SYNE2: variants seen among roughly 807,000 people sequenced by gnomAD.
SYNE2 encodes the protein nesprin-2.
In SYNE2, 431 loss-of-function variants were observed where a neutral mutation model predicts 856.3. The observed-to-expected ratio is 0.50, with a 90% CI of 0.47 to 0.55. SYNE2 has a LOEUF of 0.55. Among genes scored for constraint, SYNE2 ranks in the 20% least tolerant of loss-of-function variants. The pLI is 0.00. For missense variants in SYNE2, 8,129 were observed against 8,023.2 expected (o/e 1.01, Z -0.50); for synonymous variants, 2,923 against 2,872.3 (o/e 1.02, Z -0.56).
chr14:63,788,238 A>G (rs1328709872), intron 1 of SYNE2, among the ~76,000 whole-genome samples: 1 of 152,152 alleles, frequency 6.6e-6, no homozygotes, highest in Non-Finnish European at 1.5e-5. Flanking sequence ...GACAGGGATG[A>G]GGAAGCCTTC....
chr14:63,801,312 T>A (rs7154341), intron 1 of SYNE2, among the ~76,000 whole-genome samples: 1 of 151,938 alleles, frequency 6.6e-6, no homozygotes, highest in Non-Finnish European at 1.5e-5. Flanking sequence ...AAATCTCCAC[T>A]AAAGAACTTA....
At chr14:63,903,338 A>G (rs1225351542) in intron 1 of SYNE2, among the ~76,000 whole-genome samples, 1 of 152,250 alleles carries the variant, frequency 6.6e-6, no homozygotes, top group Non-Finnish European at 1.5e-5. Context: ...TCAAGGAAGT[A>G]AAAAATTATG....
At chr14:64,125,240 A>G in intron 71 of SYNE2, 30 bp downstream of exon 71, 1 of 1,613,468 alleles carries the variant, frequency 6.2e-7, no homozygotes, top group Non-Finnish European at 8.5e-7. Flanking sequence ...TGTTTTCCTC[A>G]TTGTAATAAC....
intron 8 of SYNE2, among the ~76,000 whole-genome samples, chr14:63,959,548 T>C (rs1255883): frequency 0.69 from 104,089 of 151,702 alleles, 36,007 homozygotes; most frequent in South Asian, 0.78. Context: ...TTCGCCGCCT[T>C]GACCTCACAA....
At chr14:64,037,076 G>GTT (rs2097096238) in intron 45 of SYNE2, among the ~76,000 whole-genome samples, 1 of 151,950 alleles carries the variant, frequency 6.6e-6, no homozygotes, top group South Asian at 2.1e-4. Context: ...GTCAGTTGGA[G>GTT]TTAACAGAGC....
chr14:64,156,092 G>T (rs971758854), intron 85 of SYNE2, among the ~76,000 whole-genome samples: 2 of 152,182 alleles, frequency 1.3e-5, no homozygotes, highest in Non-Finnish European at 2.9e-5. Flanking sequence ...GATGACCCCA[G>T]TTGGAACATT....
chr14:64,127,942 A>G (rs7158393), intron 73 of SYNE2, among the ~76,000 whole-genome samples: 39,492 of 152,164 alleles, frequency 0.26, 8,206 homozygotes, highest in African/African-American at 0.58. Context: ...AAAAGTGGTC[A>G]GGGATTCTGC....
chr14:64,107,444 G>T (rs780255854), intron 64 of SYNE2, 47 bp from the exon 65 acceptor site: 1 of 1,502,938 alleles, frequency 6.7e-7, no homozygotes, highest in East Asian at 2.3e-5. Flanking sequence ...AATTCATGTG[G>T]CACCAGGGCA....
chr14:63,796,908 T>C (rs1887934560), intron 1 of SYNE2, among the ~76,000 whole-genome samples: 1 of 151,958 alleles, frequency 6.6e-6, no homozygotes, highest in East Asian at 1.9e-4. Flanking sequence ...TGAAACCCTA[T>C]CTCTACTAAA....
chr14:64,093,856 T>A (rs895157415), intron 61 of SYNE2, among the ~76,000 whole-genome samples: 20 of 152,142 alleles, frequency 1.3e-4, no homozygotes, highest in African/African-American at 4.3e-4. Context: ...GTGAATTTGC[T>A]CTGGTACCAA....
At chr14:63,897,362 A>C (rs1033411949) in intron 1 of SYNE2, among the ~76,000 whole-genome samples, 2 of 152,136 alleles carry the variant, frequency 1.3e-5, no homozygotes, top group Non-Finnish European at 2.9e-5. Context: ...TCTGATATCT[A>C]TCCATGCTGA....
chr14:64,211,908 T>G, intron 103 of SYNE2, 53 bp from the exon 104 acceptor site: 1 of 1,613,210 alleles, frequency 6.2e-7, no homozygotes, highest in Middle Eastern at 1.7e-4. Context: ...GCTGTCTGTC[T>G]GAACTCTTGT....
At chr14:63,960,851 A>T in intron 8 of SYNE2, 1 of 736,234 alleles carries the variant, frequency 1.4e-6, no homozygotes, top group Non-Finnish European at 2.5e-6. Context: ...TTGAGACCAG[A>T]CTGGACAACA....
At chr14:63,957,639 C>G (rs536444712) in intron 8 of SYNE2, among the ~76,000 whole-genome samples, 1 of 151,736 alleles carries the variant, frequency 6.6e-6, no homozygotes, top group Non-Finnish European at 1.5e-5. Context: ...GAGTCTGAGG[C>G]GGGCGGATCA....
chr14:63,778,434 C>T (rs923975702), intron 1 of SYNE2, among the ~76,000 whole-genome samples: 4 of 152,162 alleles, frequency 2.6e-5, no homozygotes, highest in Admixed American at 6.6e-5. Flanking sequence ...ATTCATTTAA[C>T]ACTATATGCA....
chr14:63,828,493 G>A lies in SYNE2; in HGVS notation c.-304-24008G>A, dbSNP rs371069879. On this transcript the variant is annotated intron_variant, in intron 1 of 23. Transcript: ENST00000674003. ...GTCTCTACTAAAAATATAAAAATTA[G>A]CCAGGCATGGTGGCAGGTGCCTGTA... is the stretch of plus-strand genomic sequence containing the variant. 4.1e-4 allele frequency among the ~76,000 whole-genome samples: 62 copies of A among 152,046 alleles called. No homozygotes were observed. In the East Asian group the frequency reaches 9.5e-3, roughly 23 times the overall value.
At chr14:63,932,196 C>A (rs987666530) in intron 2 of SYNE2, among the ~76,000 whole-genome samples, 1 of 151,956 alleles carries the variant, frequency 6.6e-6, no homozygotes, top group Non-Finnish European at 1.5e-5. Context: ...GCCTGGCCAA[C>A]GTAGTGAAAC....
intron 53 of SYNE2, among the ~76,000 whole-genome samples, chr14:64,074,798 G>A (rs2097443880): frequency 1.3e-5 from 2 of 152,132 alleles, no homozygotes; most frequent in South Asian, 4.1e-4. Flanking sequence ...GGGATGCTGA[G>A]GCAGGAGAAT....
intron 1 of SYNE2, among the ~76,000 whole-genome samples, chr14:63,814,092 G>GCAA (rs1356986301): frequency 2.3e-5 from 3 of 127,724 alleles, no homozygotes; most frequent in Admixed American, 1.5e-4. Flanking sequence ...AACAACAACA[G>GCAA]CAACAACAAT....
Sources: gnomAD v4.1 joint callset for allele counts (sites outside exome capture counted in the v4.1 genomes callset) on GRCh38, gnomAD v4.1.1 for gene constraint, MANE v1.5 for transcripts, NCBI Gene and HGNC (gene_info 2026-07-23, HGNC 2026-07-21) for gene names.